The following TAFA5 variants were observed in gnomAD, a reference collection of about 807,000 sequenced individuals.
TAFA5 encodes TAFA chemokine like family member 5, also known as chemokine-like protein TAFA-5.
TAFA5 carries 6 observed loss-of-function variants against 15.3 expected under a neutral mutation model. That is an observed-to-expected ratio of 0.39 (90% CI 0.21 to 0.77). The LOEUF is 0.77. Ranked by LOEUF, TAFA5 falls within the 30% of genes least tolerant of loss-of-function variation. The probability of loss-of-function intolerance (pLI) is 0.41; values close to 1 mark genes in which losing one functional copy is unlikely to be tolerated. For missense variants in TAFA5, 161 were observed against 193.1 expected (o/e 0.83, Z 0.98); for synonymous variants, 103 against 80.7 (o/e 1.28, Z -1.48).
At position 48,679,117 on chromosome 22, in the gene TAFA5, TCC is replaced by T. The variant is rs1324815927; in HGVS notation, c.263-28598_263-28597del. On this transcript the variant is annotated intron_variant, in intron 2 of 3. Coordinates refer to ENST00000402357, the MANE Select transcript of TAFA5 (RefSeq NM_001082967.3). ...GCTCCCTGTCCATCCCTCTCCCGGC[TCC>T]CTGTCCATCCCTCTCCCGGCTCCCT... is the stretch of plus-strand genomic sequence containing the variant. Among the ~76,000 whole-genome samples the T allele has an allele frequency of 3.3e-5, 3 of 89,742 alleles. 1 individual carries two copies. Among genetic ancestry groups the T allele is most frequent in the Admixed American group, 2.6e-4 (2 of 7,684 alleles). The allele number at this position is 89,742 out of a possible 152,430, so 58.9% of individuals were successfully genotyped here.
At position 48,492,135 on chromosome 22, in the gene TAFA5, C is replaced by A. The variant is rs1928176648; in HGVS notation, c.112+2431C>A. On this transcript the variant is annotated intron_variant, in intron 1 of 3. Transcript: ENST00000402357. ...GTCCTAGAGAAAAAAAATCCCCCCC[C>A]CTTTTTTCAGAACCGATAAAGCAAA... Among the ~76,000 whole-genome samples, 2 of 151,326 alleles carry A rather than the reference C, an allele frequency of 1.3e-5. 1 individual carries two copies. The highest frequency in any genetic ancestry group is 2.9e-5 in the Non-Finnish European group (2 of 67,832).
chr22:48,528,550 G>A (rs57926684), intron 1 of TAFA5, among the ~76,000 whole-genome samples: 6,341 of 152,258 alleles, frequency 0.042, 439 homozygotes, highest in African/African-American at 0.15. Flanking sequence ...AGGAGCCTAG[G>A]GTTGATCCCA....
chr22:48,642,491 G>A (rs536727951), intron 1 of TAFA5, among the ~76,000 whole-genome samples: 27 of 152,262 alleles, frequency 1.8e-4, no homozygotes, highest in South Asian at 1.0e-3. Flanking sequence ...GCAGAGGGGC[G>A]GTCAGCACTG....
chr22:48,627,301 G>A (rs1477794013), intron 1 of TAFA5, among the ~76,000 whole-genome samples: 1 of 152,260 alleles, frequency 6.6e-6, no homozygotes, highest in African/African-American at 2.4e-5. Context: ...AGTGAAGGAT[G>A]TGTTGTCTCC....
intron 2 of TAFA5, among the ~76,000 whole-genome samples, chr22:48,706,454 G>T (rs916001289): frequency 5.9e-5 from 9 of 152,244 alleles, no homozygotes; most frequent in African/African-American, 1.9e-4. Flanking sequence ...GGCACGTAGA[G>T]TGGGGTGCCT....
intron 1 of TAFA5, among the ~76,000 whole-genome samples, chr22:48,558,477 G>T (rs185877614): frequency 2.0e-5 from 3 of 152,132 alleles, no homozygotes; most frequent in African/African-American, 7.2e-5. Context: ...TTACAGGGAC[G>T]TATCCTCAAA....
chr22:48,576,359 G>T, intron 1 of TAFA5: 2 of 1,212,338 alleles, frequency 1.6e-6, no homozygotes, highest in South Asian at 4.1e-5. Context: ...GGAGCGCGGC[G>T]TTGGCGGCGG....
At chr22:48,689,213 C>T (rs1044055381) in intron 2 of TAFA5, among the ~76,000 whole-genome samples, 3 of 152,108 alleles carry the variant, frequency 2.0e-5, no homozygotes, top group Non-Finnish European at 4.4e-5. Flanking sequence ...ACGCGTGGAA[C>T]CCTTCCTCTG....
In TAFA5 at chr22:48,707,814, G is replaced by A. The variant is rs199726140; in HGVS notation, c.360G>A (p.Thr120=). The A allele has an allele frequency of 4.3e-6, 7 of 1,613,728 alleles. No individual in the cohort carries two copies. Among genetic ancestry groups the A allele is most frequent in the Non-Finnish European group, 5.9e-6 (7 of 1,179,836 alleles). ...TCAACCGGTCAGGCTGGACGTGCAC[G>A]CAGCCCGGCGGGAGGATAAAGACCA... ...LLINRSGWTC[T]QPGGRIKTTT... Residue 120 remains threonine, a synonymous_variant, in exon 3 of 4, where the codon ACG becomes ACA. Transcript: ENST00000402357.
chr22:48,500,334 G>A (rs941447006), intron 1 of TAFA5, among the ~76,000 whole-genome samples: 6 of 152,144 alleles, frequency 3.9e-5, no homozygotes, highest in African/African-American at 1.4e-4. Context: ...TCAGCTTCAC[G>A]GGCTAAGGGA....
chr22:48,534,751 C>T (rs976167449), intron 1 of TAFA5, among the ~76,000 whole-genome samples: 6 of 152,168 alleles, frequency 3.9e-5, no homozygotes, highest in South Asian at 2.1e-4. Context: ...CCCGGCTCTC[C>T]GGCGGGCACC....
chr22:48,689,707 C>T lies in TAFA5; in HGVS notation c.263-18010C>T, dbSNP rs541098620. ...ACCCACTCACCCCAGCTCCCTGGGCCAGCCCAGCTGTGCTTTCATGGGGCT... is the reference window on the plus strand; with the variant it reads ...ACCCACTCACCCCAGCTCCCTGGGCTAGCCCAGCTGTGCTTTCATGGGGCT... On this transcript the variant is annotated intron_variant, in intron 2 of 3. Transcript: ENST00000402357. Among the ~76,000 whole-genome samples the T allele has an allele frequency of 1.5e-3, 228 of 152,312 alleles. 1 individual carries two copies. Among genetic ancestry groups the T allele is most frequent in the African/African-American group, 5.3e-3 (220 of 41,564 alleles).
At chr22:48,676,000 G>T (rs1197793891) in intron 2 of TAFA5, among the ~76,000 whole-genome samples, 2 of 152,268 alleles carry the variant, frequency 1.3e-5, no homozygotes, top group Non-Finnish European at 2.9e-5. Context: ...CCTCCAGAAG[G>T]CTGCTGAGGC....
chr22:48,725,135 G>A (rs1929678412), intron 3 of TAFA5, among the ~76,000 whole-genome samples: 1 of 152,392 alleles, frequency 6.6e-6, no homozygotes, highest in South Asian at 2.1e-4. Flanking sequence ...GGCATCCTGT[G>A]AAGATGAAGG....
chr22:48,544,905 C>A, intron 1 of TAFA5: 1 of 470,582 alleles, frequency 2.1e-6, no homozygotes, highest in Non-Finnish European at 4.4e-6. Context: ...CTGCATCTGT[C>A]CCACCTCCTG....
intron 1 of TAFA5, among the ~76,000 whole-genome samples, chr22:48,583,554 C>CCA (rs1419745360): frequency 6.7e-6 from 1 of 150,318 alleles, no homozygotes; most frequent in Non-Finnish European, 1.5e-5. Context: ...ACAAAATACA[C>CCA]CACACACACC....
At chr22:48,714,253 C>G (rs188251150) in intron 3 of TAFA5, among the ~76,000 whole-genome samples, 1 of 152,184 alleles carries the variant, frequency 6.6e-6, no homozygotes. Flanking sequence ...GACAGGGACA[C>G]GAAAGGGGGA....
intron 2 of TAFA5, among the ~76,000 whole-genome samples, chr22:48,677,060 C>T (rs899926849): frequency 2.6e-5 from 4 of 152,258 alleles, no homozygotes; most frequent in Non-Finnish European, 4.4e-5. Context: ...CACTTCTGAC[C>T]ACCCCAGAGC....
At chr22:48,542,804 G>A (rs531620917) in intron 1 of TAFA5, among the ~76,000 whole-genome samples, 13 of 143,736 alleles carry the variant, frequency 9.0e-5, no homozygotes, top group African/African-American at 3.1e-4. Flanking sequence ...TGTACAGTGT[G>A]TGATGTGTAT....
Sources: allele counts gnomAD v4.1 joint callset (sites outside exome capture counted in the v4.1 genomes callset), GRCh38; gene constraint gnomAD v4.1.1; transcripts MANE v1.5; gene names NCBI Gene and HGNC (gene_info 2026-07-23, HGNC 2026-07-21).